ZNF217: variants seen among roughly 807,000 people sequenced by gnomAD.
ZNF217 encodes the protein zinc finger protein 217.
Under a neutral mutation model 73.3 loss-of-function variants are expected in ZNF217, and 12 were observed. The observed-to-expected ratio is 0.16, with a 90% confidence interval of 0.10 to 0.27. The LOEUF (loss-of-function observed/expected upper bound fraction) is 0.27. ZNF217 is among the 10% of genes least tolerant of loss of function. The pLI is 1.00. For missense variants in ZNF217, 1,195 were observed against 1,327.8 expected, an observed-to-expected ratio of 0.90 and a Z score of 1.55; for synonymous variants, 588 against 516.4, an observed-to-expected ratio of 1.14 and a Z score of -1.88.
At chr20:53,596,150 G>A (rs184748831), upstream of ZNF217, among the ~76,000 whole-genome samples, 593 of 151,982 alleles carry the variant, frequency 3.9e-3, no homozygotes, top group Non-Finnish European at 6.2e-3. Context: ...GAGCAAAAAC[G>A]GTTGTGCTTG....
intron 1 of ZNF217, among the ~76,000 whole-genome samples, chr20:53,586,855 G>T (rs1320757663): frequency 6.6e-6 from 1 of 152,188 alleles, no homozygotes. Flanking sequence ...GCAGTAAACC[G>T]ATGGCACTGC....
chr20:53,577,720 C>A (rs1012226289), intron 3 of ZNF217, among the ~76,000 whole-genome samples: 1 of 152,236 alleles, frequency 6.6e-6, no homozygotes, highest in African/African-American at 2.4e-5. Flanking sequence ...CATTCTCAAT[C>A]ATAAAGACAT....
Position 53,576,092 on chromosome 20 carries a change from G to C in ZNF217, c.2672C>G (p.Pro891Arg). The C allele has an allele frequency of 1.9e-6, 3 of 1,614,202 alleles. No individual in the cohort carries two copies. Among genetic ancestry groups the C allele is most frequent in the Non-Finnish European group, 2.5e-6 (3 of 1,180,034 alleles). The stretch of plus-strand genomic sequence containing the variant: ...ATAGTCTCTTCCCGGAGGTGCCCAC[G>C]GGCTGTCGTTCTTGGCGGGGTAGTC... ...SIDYPAKNDS[P>R]WAPPGRDYFC... The change falls in exon 4 of 6, where the codon CCG becomes CGG. Residue 891 changes from proline (P) to arginine (R), a missense_variant. Coordinates refer to ENST00000371471, the MANE Select transcript of ZNF217 (RefSeq NM_006526.3).
Position 53,581,754 on chromosome 20 carries a change from G to A in ZNF217, c.1073C>T (p.Ala358Val), listed in dbSNP as rs772254816. Residue 358 changes from alanine to valine, a missense_variant, in exon 2 of 6, where the codon GCG (alanine) becomes GTG (valine). By Grantham distance (64) the Ala-to-Val change is moderately conservative (BLOSUM62 0). This residue lies in a region of ZNF217 where 102 missense variants were observed against 91.9 expected (regional missense o/e 1.11). Transcript: ENST00000371471. This position sits in a 1 kb window ranked among gnomAD's most constrained non-coding sequence, Gnocchi z 4.9. ...CTTGGGATCCGCGTCCACGGAGGGC[G>A]CTTCGCCGTGGGAGTGTTTGCACTT... The part of the protein sequence containing the change: ...KEKCKHSHGE[A>V]PSVDADPKLP... 4.7e-5 allele frequency: 76 copies of A among 1,614,136 alleles called. No individual in the cohort carries two copies. The highest frequency in any genetic ancestry group is 5.2e-5 in the Non-Finnish European group (61 of 1,180,036).
intron 5 of ZNF217, 59 bp from the exon 6 acceptor site, chr20:53,569,323 TTC>T: frequency 8.4e-7 from 1 of 1,189,326 alleles, no homozygotes; most frequent in South Asian, 1.5e-5. Context: ...GTTTAGAAAA[TTC>T]TTTCTTTAAA....
In ZNF217 at chr20:53,571,812, C is replaced by A. The variant is rs1400274845; in HGVS notation, c.3079G>T (p.Ala1027Ser). ...VSYQHLSNSMAQKRNYENFIG... is the reference protein window; with the variant it reads ...VSYQHLSNSMSQKRNYENFIG... The stretch of plus-strand genomic sequence containing the variant: ...AAATTCTCATAGTTTCTCTTTTGTG[C>A]CATGCTGTTAGATAAGTGTTGATAT... Residue 1027 changes from alanine (A) to serine (S), a missense_variant, in exon 5 of 6, where the codon GCA becomes TCA. By Grantham distance (99) the Ala-to-Ser change is moderately conservative (BLOSUM62 1). Coordinates refer to ENST00000371471, the MANE Select transcript of ZNF217 (RefSeq NM_006526.3). 1 of 1,612,738 alleles carries A rather than the reference C, an allele frequency of 6.2e-7. No individual in the cohort carries two copies. Among genetic ancestry groups the A allele is most frequent in the African/African-American group, 1.3e-5 (1 of 74,684 alleles).
chr20:53,590,880 A>C (rs905233299), intron 1 of ZNF217, among the ~76,000 whole-genome samples: 1 of 152,220 alleles, frequency 6.6e-6, no homozygotes, highest in Non-Finnish European at 1.5e-5. Flanking sequence ...TCTTATTTTC[A>C]GATTTCCTCC....
At chr20:53,586,209 G>A (rs1988686711) in intron 1 of ZNF217, among the ~76,000 whole-genome samples, 1 of 152,168 alleles carries the variant, frequency 6.6e-6, no homozygotes, top group African/African-American at 2.4e-5. Flanking sequence ...CACAGGATTA[G>A]GCACTCGACA....
chr20:53,572,857 G>A (rs953610753), intron 4 of ZNF217: 1 of 152,146 alleles, frequency 6.6e-6, no homozygotes, highest in Non-Finnish European at 1.5e-5. Context: ...ACACATACAG[G>A]TATGTGCCAG....
rs560238388 is a variant in ZNF217 at position 53,573,609 on chromosome 20, C to G, written c.3038-1756G>C. ...AAACAGTTCGGATTACAGGTGCAAACCAACACACCCAGCCAATTTTTGTAT... is the reference window on the plus strand; with the variant it reads ...AAACAGTTCGGATTACAGGTGCAAAGCAACACACCCAGCCAATTTTTGTAT... On this transcript the variant is annotated intron_variant, in intron 4 of 5. Coordinates refer to ENST00000371471, the MANE Select transcript of ZNF217 (RefSeq NM_006526.3). Among the ~76,000 whole-genome samples, 3 of 152,304 alleles carry G rather than the reference C, an allele frequency of 2.0e-5. No homozygotes were observed. In the South Asian group the frequency reaches 6.2e-4, roughly 32 times the overall value.
At chr20:53,595,503 G>A (rs1440137893), upstream of ZNF217, among the ~76,000 whole-genome samples, 1 of 152,180 alleles carries the variant, frequency 6.6e-6, no homozygotes, top group African/African-American at 2.4e-5. Context: ...TCAGCAAAGG[G>A]GAAGAATTTG....
At chr20:53,589,850 G>A (rs1464898042) in intron 1 of ZNF217, among the ~76,000 whole-genome samples, 106 of 151,926 alleles carry the variant, frequency 7.0e-4, no homozygotes, top group Non-Finnish European at 1.0e-4. Flanking sequence ...TGCCGTCTTT[G>A]TGTAATACAT....
rs796454978 is a variant in ZNF217, at chr20:53,574,812, G to T, written c.3037+915C>A. 4 of 136,320 alleles carry T rather than the reference G, an allele frequency of 2.9e-5. No homozygotes were observed. The East Asian group carries it at 9.7e-4, about 33-fold the overall frequency. 8.4% of individuals were successfully genotyped at this position (136,320 alleles called of 1,614,324 possible). On this transcript the variant is annotated intron_variant, in intron 4 of 5. Coordinates refer to ENST00000371471, the MANE Select transcript of ZNF217 (RefSeq NM_006526.3). ...TCCGTCTCAAAAAAAAAAAAAAAAA[G>T]AAAGAAAGAAAAAAAAAACCCCCGC...
intron 5 of ZNF217, among the ~76,000 whole-genome samples, chr20:53,569,934 C>T (rs1268058475): frequency 1.3e-5 from 2 of 151,980 alleles, no homozygotes; most frequent in Non-Finnish European, 2.9e-5. Flanking sequence ...CACTCCAGAC[C>T]CTGTCTCAGA....
Position 53,576,434 on chromosome 20 carries a change from T to C in ZNF217, c.2330A>G (p.Lys777Arg). The C allele has an allele frequency of 1.9e-6, 3 of 1,614,150 alleles. No homozygotes were observed. Among genetic ancestry groups the C allele is most frequent in the East Asian group, 4.5e-5 (2 of 44,874 alleles). ...TTTGGACTGCGCCGGGAAAGCAGACTTGGGCTTGGGTTTACAGAAACTAGA... is the reference window on the plus strand; with the variant it reads ...TTTGGACTGCGCCGGGAAAGCAGACCTGGGCTTGGGTTTACAGAAACTAGA... ...PLSSFCKPKP[K>R]SAFPAQSKSL... is the part of the protein sequence containing the mutation. Residue 777 changes from lysine to arginine, a missense_variant, in exon 4 of 6, where the codon AAG (lysine) becomes AGG (arginine). By Grantham distance (26) the Lys-to-Arg change is conservative. Transcript: ENST00000371471.
intron 4 of ZNF217, among the ~76,000 whole-genome samples, chr20:53,573,488 T>C (rs1350635981): frequency 6.6e-6 from 1 of 152,170 alleles, no homozygotes; most frequent in Admixed American, 6.5e-5. Flanking sequence ...AGAGTCTCAC[T>C]CTTTAGCCCA....
rs753683781 is a variant in ZNF217 at position 53,577,119 on chromosome 20, C to A, written c.1645G>T (p.Ala549Ser). The change falls in exon 4 of 6, where the codon GCT becomes TCT. Residue 549 changes from alanine (A) to serine (S), a missense_variant. Physicochemically the swap from Ala to Ser is moderately conservative, Grantham distance 99 (BLOSUM62 1). This residue lies in a region of ZNF217 where 649 missense variants were observed against 642.8 expected (regional missense o/e 1.01). Transcript: ENST00000371471. ...AAATTTTTGGTTTGCGCACTGTCAG[C>A]GGTTAATAGTGCATCTTCAGTGTCC... ...NQDTEDALLT[A>S]DSAQTKNLKR... 1.2e-5 allele frequency: 20 copies of A among 1,614,024 alleles called. No homozygotes were observed. The South Asian group carries it at 2.0e-4, about 16-fold the overall frequency.
Position 53,576,075 on chromosome 20 carries a change from T to C in ZNF217, c.2689A>G (p.Arg897Gly), listed in dbSNP as rs777558891. 6.2e-7 allele frequency: 1 copy of C among 1,614,220 alleles called. No individual in the cohort carries two copies. The highest frequency in any genetic ancestry group is 1.1e-5 in the South Asian group (1 of 91,086). The change falls in exon 4 of 6, where the codon AGA becomes GGA. Residue 897 changes from arginine (R) to glycine (G), a missense_variant. This residue lies in a region of ZNF217 where 649 missense variants were observed against 642.8 expected (regional missense o/e 1.01). Transcript: ENST00000371471. ...GCACTCCGATTACAGAAATAGTCTCTTCCCGGAGGTGCCCACGGGCTGTCG... is the reference window on the plus strand; with the variant it reads ...GCACTCCGATTACAGAAATAGTCTCCTCCCGGAGGTGCCCACGGGCTGTCG... ...KNDSPWAPPGRDYFCNRSASN... is the reference protein window; with the variant it reads ...KNDSPWAPPGGDYFCNRSASN...
intron 4 of ZNF217, 184 bp downstream of exon 4, chr20:53,575,543 T>TA (rs997058407): frequency 1.7e-6 from 1 of 572,922 alleles, no homozygotes; most frequent in African/African-American, 1.9e-5. Flanking sequence ...CCCACAGAGT[T>TA]AAGTAAGCCT....
Sources: allele counts gnomAD v4.1 joint callset (sites outside exome capture counted in the v4.1 genomes callset), GRCh38; gene constraint gnomAD v4.1.1; regional missense constraint gnomAD v4.1.1; non-coding constraint Gnocchi (gnomAD v3.1); transcripts MANE v1.5; gene names NCBI Gene and HGNC (gene_info 2026-07-23, HGNC 2026-07-21).